HPSE2: variants seen among roughly 807,000 people sequenced by gnomAD.
HPSE2 encodes the protein heparanase 2 (inactive), also known as inactive heparanase-2.
In HPSE2, 38 loss-of-function variants were observed where a neutral mutation model predicts 60.5. The observed-to-expected ratio is 0.63, with a 90% CI of 0.48 to 0.82. HPSE2 has a LOEUF of 0.82. Ranked by LOEUF, HPSE2 falls within the 40% of genes least tolerant of loss-of-function variation. The pLI, the probability that HPSE2 is intolerant of heterozygous loss-of-function variation, is 0.00. For missense variants in HPSE2, 713 were observed against 740.4 expected (o/e 0.96, Z 0.43); for synonymous variants, 295 against 293.2 (o/e 1.01, Z -0.06).
chr10:98,987,505 G>C (rs1956396039), intron 3 of HPSE2, among the ~76,000 whole-genome samples: 1 of 152,076 alleles, frequency 6.6e-6, no homozygotes, highest in Non-Finnish European at 1.5e-5. Context: ...AAAATAATAA[G>C]AGCTATCTAT....
At chr10:99,056,030 T>G (rs1208929093) in intron 3 of HPSE2, among the ~76,000 whole-genome samples, 1 of 152,022 alleles carries the variant, frequency 6.6e-6, no homozygotes, top group Non-Finnish European at 1.5e-5. Flanking sequence ...AGTTTTTCTT[T>G]TAAAGAATTA....
At chr10:99,142,791 T>C (rs556682776) in intron 3 of HPSE2, among the ~76,000 whole-genome samples, 2 of 152,304 alleles carry the variant, frequency 1.3e-5, no homozygotes, top group Admixed American at 1.3e-4. Context: ...CTTCAAGCCA[T>C]ACTCTGGAGC....
chr10:99,079,427 G>C (rs906093499), intron 3 of HPSE2, among the ~76,000 whole-genome samples: 1 of 152,094 alleles, frequency 6.6e-6, no homozygotes, highest in African/African-American at 2.4e-5. Flanking sequence ...CAAGACAGAT[G>C]GTAGTCCTTT....
At chr10:99,014,723 C>T (rs546063587) in intron 3 of HPSE2, among the ~76,000 whole-genome samples, 19 of 152,148 alleles carry the variant, frequency 1.2e-4, no homozygotes, top group African/African-American at 3.6e-4. Context: ...CTTTTCTTCA[C>T]GACTGTCGGT....
At chr10:99,134,342 C>A (rs957224725) in intron 3 of HPSE2, among the ~76,000 whole-genome samples, 5 of 152,276 alleles carry the variant, frequency 3.3e-5, no homozygotes, top group South Asian at 4.2e-4. Flanking sequence ...CAAGACAGCA[C>A]AACATTCAAA....
At chr10:99,281,181 AT>A in the HPSE2 span, among the ~76,000 whole-genome samples, 4 of 149,592 alleles carry the variant, frequency 2.7e-5, no homozygotes, top group Non-Finnish European at 5.9e-5. Context: ...TATTAATATT[AT>A]CTTATTAATT....
At chr10:99,227,389 T>C (rs1407056384) in intron 2 of HPSE2, among the ~76,000 whole-genome samples, 1 of 152,024 alleles carries the variant, frequency 6.6e-6, no homozygotes, top group East Asian at 1.9e-4. Context: ...AAAGGCAAGG[T>C]AGAAACAGAT....
chr10:98,836,080 G>C (rs879439855), intron 3 of HPSE2, among the ~76,000 whole-genome samples: 6 of 152,170 alleles, frequency 3.9e-5, no homozygotes, highest in Non-Finnish European at 7.3e-5. Flanking sequence ...TCCATACAAG[G>C]AAAGTAATTT....
chr10:98,599,402 C>A (rs1236663021), intron 9 of HPSE2, among the ~76,000 whole-genome samples: 5 of 152,064 alleles, frequency 3.3e-5, no homozygotes, highest in Admixed American at 6.5e-5. Context: ...CTGACCTGGC[C>A]CTTCAGGGTG....
chr10:99,209,679 C>A (rs1329197668), intron 2 of HPSE2, among the ~76,000 whole-genome samples: 2 of 152,112 alleles, frequency 1.3e-5, no homozygotes. Flanking sequence ...AATATTAATA[C>A]AACTAAGAGT....
intron 3 of HPSE2, among the ~76,000 whole-genome samples, chr10:98,877,693 T>C (rs1177863451): frequency 6.6e-6 from 1 of 151,960 alleles, no homozygotes; most frequent in Non-Finnish European, 1.5e-5. Flanking sequence ...TCGATATAGC[T>C]AAAAATTAAA....
chr10:98,460,534 G>A (rs1358896439), intron 11 of HPSE2, among the ~76,000 whole-genome samples: 1 of 152,104 alleles, frequency 6.6e-6, no homozygotes, highest in Non-Finnish European at 1.5e-5. Context: ...GATCACTTGA[G>A]CCTGGGAGGT....
At chr10:99,312,281 T>G in the HPSE2 span, among the ~76,000 whole-genome samples, 6 of 152,186 alleles carry the variant, frequency 3.9e-5, no homozygotes, top group Admixed American at 6.5e-5. Context: ...GAACCAGATG[T>G]CACCTAGGAC....
At position 98,962,657 on chromosome 10, in the gene HPSE2, G is replaced by A. The variant is rs1268159125; in HGVS notation, c.610+181581C>T. The stretch of plus-strand genomic sequence containing the variant: ...AGTCAAATTGTCCCTGTTTGCAGAC[G>A]ACATGATTGTTTATCTAGAAAACCC... On this transcript the variant is annotated intron_variant, in intron 3 of 11. Transcript: ENST00000370552. Among the ~76,000 whole-genome samples, 3 of 150,316 alleles carry A rather than the reference G, an allele frequency of 2.0e-5. No individual in the cohort carries two copies. The East Asian group carries it at 5.8e-4, about 29-fold the overall frequency.
intron 3 of HPSE2, among the ~76,000 whole-genome samples, chr10:99,138,407 T>C (rs1236372820): frequency 6.6e-6 from 1 of 152,156 alleles, no homozygotes; most frequent in African/African-American, 2.4e-5. Context: ...ACCCAAAGGA[T>C]TATAAATCAT....
chr10:98,512,991 T>C (rs181413760), intron 9 of HPSE2, among the ~76,000 whole-genome samples: 29 of 152,342 alleles, frequency 1.9e-4, no homozygotes, highest in African/African-American at 7.0e-4. Context: ...CCTGGGACAC[T>C]TGATTCAATT....
chr10:98,559,617 C>A (rs1455555851), intron 9 of HPSE2, among the ~76,000 whole-genome samples: 1 of 152,200 alleles, frequency 6.6e-6, no homozygotes, highest in East Asian at 1.9e-4. Context: ...GACCGACAAA[C>A]ATTTATTGAC....
At chr10:98,569,221 G>A (rs1361311976) in intron 9 of HPSE2, among the ~76,000 whole-genome samples, 1 of 151,838 alleles carries the variant, frequency 6.6e-6, no homozygotes, top group Non-Finnish European at 1.5e-5. Context: ...CCGCCACCAC[G>A]CCCAGCTAAT....
At chr10:98,663,219 T>C (rs979326524) in intron 6 of HPSE2, among the ~76,000 whole-genome samples, 1 of 152,196 alleles carries the variant, frequency 6.6e-6, no homozygotes, top group African/African-American at 2.4e-5. Flanking sequence ...GTATCTGCTA[T>C]GTACCAGGCA....
Sources: gnomAD v4.1 joint callset for allele counts (sites outside exome capture counted in the v4.1 genomes callset) on GRCh38, gnomAD v4.1.1 for gene constraint, MANE v1.5 for transcripts, NCBI Gene and HGNC (gene_info 2026-07-23, HGNC 2026-07-21) for gene names.